The following ESRRG variants were observed in gnomAD, a reference collection of about 807,000 sequenced individuals.
ESRRG encodes the protein estrogen-related receptor gamma.
A neutral mutation model predicts 44.0 loss-of-function variants in ESRRG; 13 were observed. The ratio of observed to expected loss-of-function variants is 0.30; its 90% CI spans 0.19 to 0.47. ESRRG has a LOEUF of 0.47. Among genes scored for constraint, ESRRG ranks in the 20% least tolerant of loss-of-function variants. ESRRG has a pLI of 1.00. For synonymous variants in ESRRG, 215 were observed against 214.6 expected (o/e 1.00, Z -0.02); for missense variants, 395 against 580.6 (o/e 0.68, Z 3.29).
At chr1:216,878,343 TATAA>T (rs1183573151) in intron 2 of ESRRG, among the ~76,000 whole-genome samples, 1 of 152,210 alleles carries the variant, frequency 6.6e-6, no homozygotes, top group Admixed American at 6.5e-5. Flanking sequence ...TATTAGGCAC[TATAA>T]ATAATTTATT....
intron 4 of ESRRG, 132 bp from the exon 5 acceptor site, chr1:216,564,512 T>C: frequency 1.6e-6 from 1 of 627,778 alleles, no homozygotes; most frequent in Non-Finnish European, 2.6e-6. Flanking sequence ...CAATTATGGC[T>C]CAATAGGTAT....
At chr1:216,800,998 T>C (rs562572193) in intron 2 of ESRRG, among the ~76,000 whole-genome samples, 1 of 152,270 alleles carries the variant, frequency 6.6e-6, no homozygotes, top group East Asian at 1.9e-4. Context: ...TTAATGTTAT[T>C]GTGTATTTTT....
intron 1 of ESRRG, among the ~76,000 whole-genome samples, chr1:216,995,439 TAGCTTAGCCAATA>T (rs1378524755): frequency 1.3e-5 from 2 of 152,170 alleles, no homozygotes; most frequent in Non-Finnish European, 2.9e-5. Context: ...CCCTAATCCT[TAGCTTAGCCAATA>T]AGATTTTTAG....
At chr1:216,852,336 C>A (rs957303549) in intron 2 of ESRRG, among the ~76,000 whole-genome samples, 1 of 152,072 alleles carries the variant, frequency 6.6e-6, no homozygotes, top group African/African-American at 2.4e-5. Flanking sequence ...GTGAACACAA[C>A]CAAGGTGAGC....
chr1:217,105,739 C>T (rs865896932), intron 1 of ESRRG, among the ~76,000 whole-genome samples: 4 of 152,154 alleles, frequency 2.6e-5, no homozygotes, highest in South Asian at 2.1e-4. Context: ...TGCACCTGGA[C>T]AATCAGCCTA....
chr1:216,698,548 A>G lies in ESRRG; in HGVS notation c.57-21057T>C, dbSNP rs369853064. On this transcript the variant is annotated intron_variant, in intron 1 of 6. Coordinates refer to ENST00000408911, the MANE Select transcript of ESRRG (RefSeq NM_001438.4). ...AAAAAAAAAAAAAAAAAAATTTGCA[A>G]GTTTCCTCCTGGAGCACATAGGTCC... is the stretch of plus-strand genomic sequence containing the variant. Among the ~76,000 whole-genome samples, 280 of 151,222 alleles carry G rather than the reference A, an allele frequency of 1.9e-3. 2 individuals carry two copies. Among genetic ancestry groups the G allele is most frequent in the African/African-American group, 6.6e-3 (273 of 41,242 alleles).
intron 1 of ESRRG, among the ~76,000 whole-genome samples, chr1:216,691,750 C>T (rs2079086599): frequency 6.6e-6 from 1 of 152,154 alleles, no homozygotes; most frequent in Non-Finnish European, 1.5e-5. Context: ...CCAGACCTGG[C>T]CTTCCCTGAG....
At chr1:217,132,742 C>A (rs1237987624) in intron 1 of ESRRG, among the ~76,000 whole-genome samples, 1 of 152,086 alleles carries the variant, frequency 6.6e-6, no homozygotes, top group Non-Finnish European at 1.5e-5. Flanking sequence ...GTTACAGGTG[C>A]ATGGTTACCC....
intron 5 of ESRRG, among the ~76,000 whole-genome samples, chr1:216,549,353 G>T (rs2055554747): frequency 6.6e-6 from 1 of 151,998 alleles, no homozygotes; most frequent in Admixed American, 6.6e-5. Flanking sequence ...TTGGAAAGGA[G>T]GGAAAAGTAT....
At chr1:216,743,064 T>G (rs2090956012) in intron 2 of ESRRG, among the ~76,000 whole-genome samples, 1 of 152,176 alleles carries the variant, frequency 6.6e-6, no homozygotes, top group Non-Finnish European at 1.5e-5. Context: ...GAATTCCTCC[T>G]TCTGTCAAAG....
At chr1:217,074,339 G>A (rs971097811) in intron 1 of ESRRG, among the ~76,000 whole-genome samples, 9 of 150,482 alleles carry the variant, frequency 6.0e-5, no homozygotes, top group Non-Finnish European at 1.2e-4. Context: ...ATGAACCACC[G>A]CGCCCAGCCA....
At chr1:216,636,998 C>G (rs1159057948) in intron 3 of ESRRG, among the ~76,000 whole-genome samples, 1 of 152,212 alleles carries the variant, frequency 6.6e-6, no homozygotes, top group Non-Finnish European at 1.5e-5. Context: ...TAATTAATGA[C>G]TGCTGGGGAG....
chr1:217,131,057 T>G (rs1014652403), intron 1 of ESRRG, among the ~76,000 whole-genome samples: 2 of 152,162 alleles, frequency 1.3e-5, no homozygotes, highest in Non-Finnish European at 2.9e-5. Flanking sequence ...AACACATACT[T>G]GTTAAAGCAA....
At chr1:217,024,993 G>T (rs1448526454) in intron 1 of ESRRG, among the ~76,000 whole-genome samples, 1 of 152,144 alleles carries the variant, frequency 6.6e-6, no homozygotes, top group South Asian at 2.1e-4. Flanking sequence ...AGGCCACTCA[G>T]CTTGGAAGAA....
At chr1:216,744,794 T>G (rs2091199529) in intron 2 of ESRRG, among the ~76,000 whole-genome samples, 1 of 152,204 alleles carries the variant, frequency 6.6e-6, no homozygotes, top group South Asian at 2.1e-4. Flanking sequence ...TACATCAGCC[T>G]TCATGATGTC....
chr1:216,661,086 A>C lies in ESRRG; in HGVS notation c.473-9997T>G, dbSNP rs528524824. Among the ~76,000 whole-genome samples, 5 of 152,336 alleles carry C rather than the reference A, an allele frequency of 3.3e-5. No individual in the cohort carries two copies. In the East Asian group the frequency reaches 9.6e-4, roughly 29 times the overall value. ...TGGAGAATATAAATGTCTCTCATCC[A>C]AGGACTAAAGAAATTCAATGTTTTT... is the stretch of plus-strand genomic sequence containing the variant. On this transcript the variant is annotated intron_variant, in intron 2 of 6. Coordinates refer to ENST00000408911, the MANE Select transcript of ESRRG (RefSeq NM_001438.4).
chr1:216,911,986 G>A (rs1219830674), intron 2 of ESRRG, among the ~76,000 whole-genome samples: 2 of 151,158 alleles, frequency 1.3e-5, no homozygotes, highest in Non-Finnish European at 3.0e-5. Context: ...GAGGTGGGAG[G>A]ATTGCTGGAG....
At chr1:216,695,921 A>C (rs920732956) in intron 1 of ESRRG, among the ~76,000 whole-genome samples, 2 of 152,196 alleles carry the variant, frequency 1.3e-5, no homozygotes, top group Admixed American at 1.3e-4. Context: ...TGGGAAAGTT[A>C]CTGTTAGGCA....
intron 2 of ESRRG, among the ~76,000 whole-genome samples, chr1:216,740,470 AG>A (rs1361777408): frequency 6.6e-6 from 1 of 152,086 alleles, no homozygotes; most frequent in Non-Finnish European, 1.5e-5. Flanking sequence ...CCCAGAGAAG[AG>A]GAGAGCACAA....
Sources: allele counts gnomAD v4.1 joint callset (sites outside exome capture counted in the v4.1 genomes callset), GRCh38; gene constraint gnomAD v4.1.1; transcripts MANE v1.5; gene names NCBI Gene and HGNC (gene_info 2026-07-23, HGNC 2026-07-21).